Variants in MTIF2 observed in about 807,000 individuals in gnomAD.
The protein encoded by MTIF2 is mitochondrial translational initiation factor 2.
A neutral mutation model predicts 83.5 loss-of-function variants in MTIF2; 71 were observed. The ratio of observed to expected loss-of-function variants is 0.85; its 90% CI spans 0.70 to 1.04. The LOEUF is 1.04. Among genes scored for constraint, MTIF2 ranks in the 50% least tolerant of loss-of-function variants. The pLI is 0.00. For synonymous variants in MTIF2, 319 were observed against 287.1 expected, an observed-to-expected ratio of 1.11 and a Z score of -1.12; for missense variants, 957 against 846.5, an observed-to-expected ratio of 1.13 and a Z score of -1.62.
At position 55,237,304 on chromosome 2, in the gene MTIF2, T is replaced by A. The variant is rs768458791; in HGVS notation, c.1995A>T (p.Gly665=). Residue 665 remains glycine (G), a synonymous_variant, in exon 15 of 16, where the codon GGA becomes GGT. Coordinates refer to ENST00000263629, the MANE Select transcript of MTIF2 (RefSeq NM_002453.3). ...GTTGCTTACCCTTCCAAATTACATGTCCATTACGGGTTAGTTTAAATTTTT... is the reference window on the plus strand; with the variant it reads ...GTTGCTTACCCTTCCAAATTACATGACCATTACGGGTTAGTTTAAATTTTT... ...KQKKFKLTRN[G]HVIWKGSLTS... is the part of the protein sequence containing the mutation. 6.2e-7 allele frequency: 1 copy of A among 1,612,570 alleles called. No individual in the cohort carries two copies. Among genetic ancestry groups the A allele is most frequent in the Non-Finnish European group, 8.5e-7 (1 of 1,179,768 alleles).
intron 5 of MTIF2, among the ~76,000 whole-genome samples, chr2:55,259,622 G>A (rs1040189388): frequency 6.6e-6 from 1 of 151,984 alleles, no homozygotes; most frequent in Non-Finnish European, 1.5e-5. Context: ...CATTCTTTCT[G>A]CTACCATATT....
At chr2:55,256,824 C>T (rs1313109332) in intron 5 of MTIF2, among the ~76,000 whole-genome samples, 1 of 152,118 alleles carries the variant, frequency 6.6e-6, no homozygotes, top group Non-Finnish European at 1.5e-5. Context: ...CCTCCTGCCT[C>T]GGCCTCCGTT....
In MTIF2 at chr2:55,263,802, C is replaced by T. The variant is rs759489945; in HGVS notation, c.57G>A (p.Arg19=). Residue 19 remains arginine, a synonymous_variant, in exon 4 of 16, where the codon AGG becomes AGA. Coordinates refer to ENST00000263629, the MANE Select transcript of MTIF2 (RefSeq NM_002453.3). ...TTCTTTGACACAGACTGTGCAGTTG[C>T]CTATAAATAGTGTGAAATCGTAGCA... ...ENLLRFHTIY[R]QLHSLCQRRA... is the part of the protein sequence containing the mutation. 1.1e-5 allele frequency: 18 copies of T among 1,613,844 alleles called. No homozygotes were observed. The highest frequency in any genetic ancestry group is 1.4e-5 in the Non-Finnish European group (17 of 1,180,028).
intron 9 of MTIF2, among the ~76,000 whole-genome samples, chr2:55,248,494 C>T (rs1258568481): frequency 3.3e-5 from 5 of 151,884 alleles, no homozygotes; most frequent in Admixed American, 2.0e-4. Context: ...ATAATAAGGA[C>T]GGACAAAAAA....
At chr2:55,248,120 C>G (rs921962177) in intron 9 of MTIF2, among the ~76,000 whole-genome samples, 23 of 152,106 alleles carry the variant, frequency 1.5e-4, no homozygotes, top group African/African-American at 4.8e-4. Context: ...GAACTCCTGC[C>G]TCAATGGATC....
intron 7 of MTIF2, among the ~76,000 whole-genome samples, chr2:55,253,267 T>C (rs900315012): frequency 2.6e-5 from 4 of 152,234 alleles, no homozygotes; most frequent in Non-Finnish European, 5.9e-5. Flanking sequence ...ATGGGACTAT[T>C]ATTTAATTAT....
At chr2:55,239,845 G>A (rs1406088986) in intron 14 of MTIF2, among the ~76,000 whole-genome samples, 166 bp downstream of exon 14, 2 of 152,178 alleles carry the variant, frequency 1.3e-5, no homozygotes, top group African/African-American at 2.4e-5. Context: ...CACAGGGCAG[G>A]TGTTTACATA....
At chr2:55,241,075 G>C (rs527511380) in intron 13 of MTIF2, among the ~76,000 whole-genome samples, 2 of 151,588 alleles carry the variant, frequency 1.3e-5, no homozygotes, top group East Asian at 3.9e-4. Flanking sequence ...TAAATACTTT[G>C]GGAGAAAAAA....
At position 55,237,378 on chromosome 2, in the gene MTIF2, C is replaced by A; in HGVS notation, c.1921G>T (p.Val641Phe). The change falls in exon 15 of 16, where the codon GTT (valine) becomes TTT (phenylalanine). Residue 641 changes from valine to phenylalanine, a missense_variant. Val to Phe is a conservative substitution (Grantham distance 50, BLOSUM62 -1). Coordinates refer to ENST00000263629, the MANE Select transcript of MTIF2 (RefSeq NM_002453.3). ...TGGACTCTGCAGCCAGCCACAGGAA[C>A]TTTTTTCTTCCCTTCTGTTACAGAG... ...TFSVTEGKKK[V>F]PVAGCRVQKG... is the part of the protein sequence containing the mutation. The A allele has an allele frequency of 6.2e-7, 1 of 1,612,810 alleles. No individual in the cohort carries two copies. Among genetic ancestry groups the A allele is most frequent in the Non-Finnish European group, 8.5e-7 (1 of 1,179,914 alleles).
intron 5 of MTIF2, among the ~76,000 whole-genome samples, chr2:55,256,716 T>G (rs918474977): frequency 8.8e-5 from 13 of 147,182 alleles, no homozygotes; most frequent in Non-Finnish European, 1.4e-4. Context: ...AAAAAAAAAT[T>G]TTTTTTGAGA....
At chr2:55,252,414 T>C (rs1677163576) in intron 8 of MTIF2, 63 bp downstream of exon 8, 6 of 1,399,228 alleles carry the variant, frequency 4.3e-6, no homozygotes, top group Admixed American at 1.9e-5. Context: ...AAATGAGCTA[T>C]ATGTAAATGG....
At chr2:55,249,582 TC>T in intron 8 of MTIF2, 48 bp from the exon 9 acceptor site, 1 of 1,596,914 alleles carries the variant, frequency 6.3e-7, no homozygotes, top group Non-Finnish European at 8.6e-7. Flanking sequence ...CACCTTCAAT[TC>T]CAGGTATTCA....
chr2:55,261,398 G>A (rs1436789989), intron 5 of MTIF2, among the ~76,000 whole-genome samples: 1 of 151,594 alleles, frequency 6.6e-6, no homozygotes, highest in Non-Finnish European at 1.5e-5. Context: ...TTGAGGTCAG[G>A]AATTTGAGAC....
In MTIF2 at chr2:55,248,181, G is replaced by A. The variant is rs543086740; in HGVS notation, c.981+1214C>T. ...TAGGCTTACAGGCATAAGTCACTGC[G>A]CCTGGCCAAATACTTTAATCTTATT... On this transcript the variant is annotated intron_variant, in intron 9 of 15. Transcript: ENST00000263629. Among the ~76,000 whole-genome samples the A allele has an allele frequency of 2.0e-4, 31 of 152,292 alleles. No homozygotes were observed. In the South Asian group the frequency reaches 6.0e-3, roughly 30 times the overall value.
intron 6 of MTIF2, 138 bp from the exon 7 acceptor site, chr2:55,254,339 C>A: frequency 1.1e-6 from 1 of 884,446 alleles, no homozygotes; most frequent in Non-Finnish European, 1.5e-6. Context: ...CCTATTTCCC[C>A]CTCCTATACA....
chr2:55,241,038 C>T (rs1676263051), intron 13 of MTIF2, among the ~76,000 whole-genome samples: 1 of 151,628 alleles, frequency 6.6e-6, no homozygotes, highest in Non-Finnish European at 1.5e-5. Flanking sequence ...GACCATTTTA[C>T]CAACAAACAA....
Position 55,252,630 on chromosome 2 carries a change from T to A in MTIF2, c.688A>T (p.Ile230Leu). 1 of 1,613,394 alleles carries A rather than the reference T, an allele frequency of 6.2e-7. No homozygotes were observed. The change falls in exon 8 of 16, where the codon ATA (isoleucine) becomes TTA (leucine). Residue 230 changes from isoleucine (I) to leucine (L), a missense_variant. Around this residue, in one of 3 missense-constraint regions of MTIF2, gnomAD observed 733 missense variants for 648.7 expected, o/e 1.13. Transcript: ENST00000263629. ...FLVSLPSGEK[I>L]TFLDTPGHAA... ...TGTCCTGGAGTATCAAGAAAAGTTA[T>A]CTTTTCCCCAGAAGGCAGAGAGACT...
At chr2:55,243,375 T>C (rs200738432) in intron 12 of MTIF2, 41 bp downstream of exon 12, 1 of 1,513,908 alleles carries the variant, frequency 6.6e-7, no homozygotes, top group East Asian at 2.3e-5. Flanking sequence ...AAAACATATA[T>C]TCAAAGAATG....
At position 55,243,529 on chromosome 2, in the gene MTIF2, A is replaced by G; in HGVS notation, c.1451T>C (p.Leu484Pro). The change falls in exon 12 of 16, where the codon CTA becomes CCA. Residue 484 changes from leucine (L) to proline (P), a missense_variant. By Grantham distance (98) the Leu-to-Pro change is moderately conservative. This residue lies in a region of MTIF2 where 733 missense variants were observed against 648.7 expected (regional missense o/e 1.13). Transcript: ENST00000263629. ...TAGAATTGATCTCTTCTTCCACAGT[A>G]GATGGCCATACTTCTCACGGGCTTT... ...HQKAREKYGHLLWKKRSILRF... is the reference protein window; with the variant it reads ...HQKAREKYGHPLWKKRSILRF... 6.2e-7 allele frequency: 1 copy of G among 1,614,108 alleles called. No homozygotes were observed. Among genetic ancestry groups the G allele is most frequent in the Non-Finnish European group, 8.5e-7 (1 of 1,179,988 alleles).
Sources: allele counts gnomAD v4.1 joint callset (sites outside exome capture counted in the v4.1 genomes callset), GRCh38; gene constraint gnomAD v4.1.1; regional missense constraint gnomAD v4.1.1; transcripts MANE v1.5; gene names NCBI Gene and HGNC (gene_info 2026-07-23, HGNC 2026-07-21).